The following ULK4 variants were observed in gnomAD, a reference collection of about 807,000 sequenced individuals.
ULK4 encodes the protein inactive serine/threonine-protein kinase ULK4.
Under a neutral mutation model 160.6 loss-of-function variants are expected in ULK4, and 133 were observed. That is an observed-to-expected ratio of 0.83 (90% CI 0.72 to 0.96). The LOEUF (loss-of-function observed/expected upper bound fraction) is 0.96, where lower values mean the gene tolerates loss of function less well. ULK4 is among the 40% of genes least tolerant of loss of function. The pLI is 0.00. For synonymous variants in ULK4, 534 were observed against 539.8 expected, an observed-to-expected ratio of 0.99 and a Z score of 0.15; for missense variants, 1,580 against 1,499.5, an observed-to-expected ratio of 1.05 and a Z score of -0.89.
intron 21 of ULK4, among the ~76,000 whole-genome samples, chr3:41,768,155 G>C (rs1456919103): frequency 1.3e-5 from 2 of 152,152 alleles, no homozygotes; most frequent in African/African-American, 4.8e-5. Context: ...AGTTGGAACA[G>C]TTTCATCCCA....
chr3:41,333,222 G>A (rs1035350982), intron 35 of ULK4, among the ~76,000 whole-genome samples: 1 of 152,186 alleles, frequency 6.6e-6, no homozygotes, highest in Non-Finnish European at 1.5e-5. Flanking sequence ...GAAAACTAAT[G>A]GCCAGTGGGA....
At chr3:41,647,764 C>T (rs905157735) in intron 30 of ULK4, among the ~76,000 whole-genome samples, 31 of 152,362 alleles carry the variant, frequency 2.0e-4, no homozygotes, top group African/African-American at 7.2e-4. Flanking sequence ...GACGTTACTG[C>T]TGTCTTTTTG....
At position 41,904,611 on chromosome 3, in the gene ULK4, T is replaced by C. The variant is rs186029959; in HGVS notation, c.1182+3234A>G. Among the ~76,000 whole-genome samples the C allele has an allele frequency of 8.0e-3, 1,213 of 152,280 alleles. 19 individuals carry two copies. The highest frequency in any genetic ancestry group is 7.5e-3 in the Non-Finnish European group (509 of 68,026). On this transcript the variant is annotated intron_variant, in intron 12 of 36. Transcript: ENST00000301831. ...AATGAATTTTTTAATTTACATTGAT[T>C]TTCTATTTCACATAACCAAAAAATT... is the stretch of plus-strand genomic sequence containing the variant.
intron 32 of ULK4, among the ~76,000 whole-genome samples, chr3:41,486,314 G>C (rs1177956427): frequency 6.6e-6 from 1 of 152,104 alleles, no homozygotes; most frequent in Non-Finnish European, 1.5e-5. Flanking sequence ...ACCAAAGAAG[G>C]CTTCATTCTA....
intron 2 of ULK4, among the ~76,000 whole-genome samples, chr3:41,942,101 C>T (rs1404656608): frequency 6.6e-6 from 1 of 152,164 alleles, no homozygotes; most frequent in Non-Finnish European, 1.5e-5. Flanking sequence ...AATGTGGGAG[C>T]GATGTGCCAC....
At chr3:41,327,571 T>C (rs1035368916) in intron 35 of ULK4, among the ~76,000 whole-genome samples, 1 of 152,150 alleles carries the variant, frequency 6.6e-6, no homozygotes, top group African/African-American at 2.4e-5. Flanking sequence ...CATTGTAGAA[T>C]AGGCCGGTAG....
intron 35 of ULK4, among the ~76,000 whole-genome samples, chr3:41,322,875 G>C (rs552806682): frequency 6.6e-6 from 1 of 152,198 alleles, no homozygotes; most frequent in East Asian, 1.9e-4. Context: ...TTTATGACTA[G>C]GGATTAGGGA....
intron 2 of ULK4, among the ~76,000 whole-genome samples, chr3:41,952,134 C>A (rs1304721011): frequency 6.6e-6 from 1 of 152,032 alleles, no homozygotes; most frequent in Non-Finnish European, 1.5e-5. Context: ...TGACACTGGG[C>A]TTGGCAATGA....
intron 18 of ULK4, among the ~76,000 whole-genome samples, chr3:41,822,470 T>G (rs140990046): frequency 0.013 from 1,908 of 152,232 alleles, 38 homozygotes; most frequent in African/African-American, 0.041. Flanking sequence ...CAGGCTGGAG[T>G]GCAGTGGCAT....
At chr3:41,495,815 G>C (rs1029745849) in intron 32 of ULK4, among the ~76,000 whole-genome samples, 7 of 151,394 alleles carry the variant, frequency 4.6e-5, no homozygotes, top group Non-Finnish European at 1.0e-4. Context: ...GCAGCCAAAA[G>C]ACACATGAAA....
chr3:41,740,524 G>A (rs916232345), intron 22 of ULK4, among the ~76,000 whole-genome samples: 1 of 151,846 alleles, frequency 6.6e-6, no homozygotes, highest in Non-Finnish European at 1.5e-5. Flanking sequence ...ACATTTGTGA[G>A]CCATCATATC....
intron 30 of ULK4, among the ~76,000 whole-genome samples, chr3:41,644,073 C>G (rs1382920436): frequency 2.0e-5 from 3 of 152,158 alleles, no homozygotes; most frequent in Non-Finnish European, 2.9e-5. Flanking sequence ...AGTTGCTTAT[C>G]AGCTTAAGGA....
chr3:41,446,076 A>G (rs921671982), intron 34 of ULK4, among the ~76,000 whole-genome samples: 1 of 152,230 alleles, frequency 6.6e-6, no homozygotes, highest in Non-Finnish European at 1.5e-5. Context: ...ATATGAACAG[A>G]CACTTCTCAA....
intron 21 of ULK4, among the ~76,000 whole-genome samples, chr3:41,758,530 G>C (rs1343438094): frequency 6.6e-6 from 1 of 152,112 alleles, no homozygotes; most frequent in Non-Finnish European, 1.5e-5. Flanking sequence ...TATATTAAAA[G>C]AATAAAACTT....
chr3:41,307,238 C>G (rs535322060), intron 35 of ULK4, among the ~76,000 whole-genome samples: 5 of 151,402 alleles, frequency 3.3e-5, no homozygotes, highest in Non-Finnish European at 7.4e-5. Flanking sequence ...CACACCCATG[C>G]GGCTACTCGG....
chr3:41,662,935 T>C (rs544162549), intron 30 of ULK4, among the ~76,000 whole-genome samples: 1 of 151,696 alleles, frequency 6.6e-6, no homozygotes, highest in South Asian at 2.1e-4. Flanking sequence ...AAAAAAAGTA[T>C]GTCGGCCGGG....
At chr3:41,938,249 A>G in intron 2 of ULK4, 52 bp from the exon 3 acceptor site, 8 of 1,427,648 alleles carry the variant, frequency 5.6e-6, no homozygotes, top group Non-Finnish European at 7.7e-6. Flanking sequence ...AAACTCTTAC[A>G]TCTACTGAGA....
intron 34 of ULK4, among the ~76,000 whole-genome samples, chr3:41,454,115 A>G (rs2083484216): frequency 6.6e-6 from 1 of 150,636 alleles, no homozygotes; most frequent in Non-Finnish European, 1.5e-5. Context: ...AACATGGCAC[A>G]TGTATACATA....
chr3:41,855,366 A>G (rs887395003), intron 17 of ULK4, among the ~76,000 whole-genome samples: 3 of 152,182 alleles, frequency 2.0e-5, no homozygotes, highest in Non-Finnish European at 2.9e-5. Context: ...GTACTGCCAC[A>G]CTGTTGTGGC....
Sources: allele counts gnomAD v4.1 joint callset (sites outside exome capture counted in the v4.1 genomes callset), GRCh38; gene constraint gnomAD v4.1.1; transcripts MANE v1.5; gene names NCBI Gene and HGNC (gene_info 2026-07-23, HGNC 2026-07-21).